Variants in CCDC102B observed in about 807,000 individuals in gnomAD.
The protein encoded by CCDC102B is coiled-coil domain containing 102B, also known as coiled-coil domain-containing protein 102B.
Under a neutral mutation model 57.4 loss-of-function variants are expected in CCDC102B, and 75 were observed. The ratio of observed to expected loss-of-function variants is 1.31; its 90% CI spans 1.08 to 1.58. The LOEUF (loss-of-function observed/expected upper bound fraction) is 1.58. Ranked by LOEUF, CCDC102B falls within the 40% of genes most tolerant of loss-of-function variation. CCDC102B has a pLI of 0.00. For synonymous variants in CCDC102B, 206 were observed against 201.9 expected (o/e 1.02, Z -0.17); for missense variants, 636 against 582.6 (o/e 1.09, Z -0.94).
intron 2 of CCDC102B, among the ~76,000 whole-genome samples, chr18:68,739,420 T>G (rs2033289176): frequency 6.6e-6 from 1 of 152,222 alleles, no homozygotes; most frequent in Non-Finnish European, 1.5e-5. Context: ...GCTGCCATGA[T>G]GCCATAGGCG....
At chr18:68,791,060 A>T (rs2035441310) in intron 2 of CCDC102B, among the ~76,000 whole-genome samples, 1 of 152,216 alleles carries the variant, frequency 6.6e-6, no homozygotes. Flanking sequence ...GAGAAAATTA[A>T]TCCGTATGCC....
At chr18:68,935,370 T>C (rs766561843) in intron 6 of CCDC102B, among the ~76,000 whole-genome samples, 1 of 151,566 alleles carries the variant, frequency 6.6e-6, no homozygotes, top group Non-Finnish European at 1.5e-5. Flanking sequence ...AGAGGAAGAG[T>C]GGAAATGACA....
intron 2 of CCDC102B, among the ~76,000 whole-genome samples, chr18:68,741,651 C>G (rs1884808037): frequency 6.8e-6 from 1 of 146,294 alleles, no homozygotes. Flanking sequence ...AAATTTTGTC[C>G]AAATGTGAAG....
At chr18:68,839,549 C>G (rs2037532967) in intron 3 of CCDC102B, among the ~76,000 whole-genome samples, 1 of 152,210 alleles carries the variant, frequency 6.6e-6, no homozygotes, top group African/African-American at 2.4e-5. Flanking sequence ...ACCACCCTGT[C>G]TTCTGTTCAA....
At chr18:69,040,653 T>C (rs1287127424) in intron 7 of CCDC102B, among the ~76,000 whole-genome samples, 1 of 152,042 alleles carries the variant, frequency 6.6e-6, no homozygotes, top group Admixed American at 6.6e-5. Context: ...TTTATCACTC[T>C]GTAGTAGAAG....
At chr18:68,995,135 C>T (rs1394482851) in intron 6 of CCDC102B, among the ~76,000 whole-genome samples, 1 of 152,076 alleles carries the variant, frequency 6.6e-6, no homozygotes, top group Non-Finnish European at 1.5e-5. Context: ...GCATTTTGCC[C>T]CTGCCCTAAA....
chr18:69,034,577 A>G (rs574807225), intron 7 of CCDC102B, among the ~76,000 whole-genome samples: 37 of 152,090 alleles, frequency 2.4e-4, no homozygotes, highest in East Asian at 7.7e-4. Flanking sequence ...CTATATGTCT[A>G]TGCTTAAGCC....
At chr18:68,800,809 C>T (rs1397452133) in intron 1 of CCDC102B, among the ~76,000 whole-genome samples, 1 of 152,078 alleles carries the variant, frequency 6.6e-6, no homozygotes, top group African/African-American at 2.4e-5. Context: ...ATAAAATTCA[C>T]ATTGTAATAG....
intron 4 of CCDC102B, among the ~76,000 whole-genome samples, chr18:68,866,220 A>G (rs2038970957): frequency 6.6e-6 from 1 of 152,186 alleles, no homozygotes; most frequent in Non-Finnish European, 1.5e-5. Context: ...AACTTTTTAA[A>G]ATATTTGAGG....
Position 68,774,423 on chromosome 18 carries a change from C to T in CCDC102B, c.-66-48943C>T, listed in dbSNP as rs1017504304. Among the ~76,000 whole-genome samples, 3 of 151,896 alleles carry T rather than the reference C, an allele frequency of 2.0e-5. No individual in the cohort carries two copies. The South Asian group carries it at 6.2e-4, about 31-fold the overall frequency. On this transcript the variant is annotated intron_variant, in intron 2 of 3. Transcript: ENST00000578970. Reference sequence around the variant, plus strand: ...TCAGTCTCACATCTGTATCTCTTTTCTCCGTGTTGCAAATCCTGGTTCTTG... The same window carrying T: ...TCAGTCTCACATCTGTATCTCTTTTTTCCGTGTTGCAAATCCTGGTTCTTG...
chr18:68,985,727 A>G (rs944005444), intron 6 of CCDC102B, among the ~76,000 whole-genome samples: 3 of 152,072 alleles, frequency 2.0e-5, no homozygotes, highest in Non-Finnish European at 4.4e-5. Context: ...TCAGAAGAGA[A>G]ATGCTCTGGG....
Position 68,731,194 on chromosome 18 carries a change from C to G in CCDC102B, c.-67+14600C>G, listed in dbSNP as rs185758251. Among the ~76,000 whole-genome samples, 100 of 152,260 alleles carry G rather than the reference C, an allele frequency of 6.6e-4. 1 individual carries two copies. The highest frequency in any genetic ancestry group is 1.2e-3 in the Non-Finnish European group (79 of 68,022). On this transcript the variant is annotated intron_variant, in intron 2 of 3. Transcript: ENST00000578970. ...AGAGACAGGGTTTCACCATGTTGGC[C>G]AGGCTGGTCTTGAACTCCTGACCTC...
chr18:68,985,609 A>G (rs1961712), intron 6 of CCDC102B, among the ~76,000 whole-genome samples: 13,301 of 152,188 alleles, frequency 0.087, 1,059 homozygotes, highest in East Asian at 0.22. Context: ...CTGTGTGGCA[A>G]AAACTGAAAC....
intron 4 of CCDC102B, among the ~76,000 whole-genome samples, chr18:68,868,897 G>A (rs1006405057): frequency 1.3e-5 from 2 of 152,094 alleles, no homozygotes; most frequent in Admixed American, 6.5e-5. Flanking sequence ...AATATTCCAC[G>A]TGTCCTGAGC....
At chr18:68,762,822 T>A (rs1406005444) in intron 2 of CCDC102B, among the ~76,000 whole-genome samples, 1 of 152,056 alleles carries the variant, frequency 6.6e-6, no homozygotes, top group Non-Finnish European at 1.5e-5. Flanking sequence ...GCGTTAAATT[T>A]GTGGGTGGAA....
chr18:69,005,340 T>C (rs1397836593), intron 6 of CCDC102B, among the ~76,000 whole-genome samples: 1 of 152,180 alleles, frequency 6.6e-6, no homozygotes, highest in Non-Finnish European at 1.5e-5. Flanking sequence ...CCATATGTTA[T>C]ATGGTAAATC....
At chr18:68,967,882 G>A (rs932024104) in intron 6 of CCDC102B, among the ~76,000 whole-genome samples, 16 of 151,682 alleles carry the variant, frequency 1.1e-4, no homozygotes, top group African/African-American at 3.9e-4. Context: ...GTCATTTTTT[G>A]TATAAATTAT....
chr18:68,746,599 T>C (rs1342740771), intron 2 of CCDC102B, among the ~76,000 whole-genome samples: 1 of 152,108 alleles, frequency 6.6e-6, no homozygotes, highest in Non-Finnish European at 1.5e-5. Flanking sequence ...TTCTAACTTC[T>C]ACCTCTACAG....
intron 6 of CCDC102B, among the ~76,000 whole-genome samples, chr18:68,987,248 G>A (rs1418234394): frequency 6.6e-6 from 1 of 152,084 alleles, no homozygotes; most frequent in East Asian, 1.9e-4. Flanking sequence ...GAAGGTTGGA[G>A]AATCCAGAAA....
Sources: gnomAD v4.1 joint callset for allele counts (sites outside exome capture counted in the v4.1 genomes callset) on GRCh38, gnomAD v4.1.1 for gene constraint, MANE v1.5 for transcripts, NCBI Gene and HGNC (gene_info 2026-07-23, HGNC 2026-07-21) for gene names.